CHRNB4: variants seen among roughly 807,000 people sequenced by gnomAD.
The protein encoded by CHRNB4 is neuronal acetylcholine receptor subunit beta-4.
CHRNB4 carries 23 observed loss-of-function variants against 40.4 expected under a neutral mutation model. That is an observed-to-expected ratio of 0.57 (90% CI 0.41 to 0.81). The LOEUF (loss-of-function observed/expected upper bound fraction) is 0.81. Among genes scored for constraint, CHRNB4 ranks in the 30% least tolerant of loss-of-function variants. The pLI is 0.00. For synonymous variants in CHRNB4, 285 were observed against 274.4 expected, an observed-to-expected ratio of 1.04 and a Z score of -0.38; for missense variants, 568 against 670.6, an observed-to-expected ratio of 0.85 and a Z score of 1.69.
intron 1 of CHRNB4, 92 bp downstream of exon 1, chr15:78,640,987 A>G (rs2054060120): frequency 7.2e-7 from 1 of 1,380,838 alleles, no homozygotes; most frequent in Non-Finnish European, 9.9e-7. Context: ...CCCCGGGCGC[A>G]GGGCACCCTC....
rs920361649 is a variant in CHRNB4, at chr15:78,629,428, G to A, written c.877C>T (p.Pro293Ser). 1.2e-6 allele frequency: 2 copies of A among 1,614,128 alleles called. No individual in the cohort carries two copies. The highest frequency in any genetic ancestry group is 3.3e-5 in the Admixed American group (2 of 60,026). Residue 293 changes from proline to serine, a missense_variant, in exon 5 of 6, where the codon CCT (proline) becomes TCT (serine). Transcript: ENST00000261751. The surrounding 1 kb of genome is among the most constrained non-coding windows in gnomAD (Gnocchi z 6.8). ...KIVPPTSLDVPLIGKYLMFTM... is the reference protein window; with the variant it reads ...KIVPPTSLDVSLIGKYLMFTM... ...AACATGAGGTACTTGCCGATGAGAG[G>A]CACATCGAGGGAGGTGGGTGGCACG...
rs755389315 is a variant in CHRNB4 at position 78,635,424 on chromosome 15, G to A, written c.204+15C>T. ...CTCCACCTGAGCCTGAGCCACAGCT[G>A]CCCTCTGCACCTACCACGCTGATAA... On this transcript the variant is annotated intron_variant, in intron 2 of 5. Transcript: ENST00000261751. 1 of 1,612,316 alleles carries A rather than the reference G, an allele frequency of 6.2e-7. No individual in the cohort carries two copies. Among genetic ancestry groups the A allele is most frequent in the Non-Finnish European group, 8.5e-7 (1 of 1,179,536 alleles).
upstream of CHRNB4, among the ~76,000 whole-genome samples, chr15:78,642,551 G>A (rs1309634336): frequency 5.3e-5 from 8 of 152,080 alleles, no homozygotes; most frequent in South Asian, 6.2e-4. Flanking sequence ...TGCTGGGAGC[G>A]GGAGGCCTGC....
In CHRNB4 at chr15:78,647,729, A is replaced by G. The variant is rs760539317; in HGVS notation, c.46+1650T>C. ...AAAAAAATTAGCCGGGCGTGGTGGC[A>G]GGCACCTGTAGTCCCAGCTACTTGG... On this transcript the variant is annotated intron_variant and NMD_transcript_variant, in intron 7 of 11. Coordinates refer to the CHRNB4 transcript ENST00000559849. 3.0e-3 allele frequency among the ~76,000 whole-genome samples: 444 copies of G among 150,146 alleles called. 2 individuals carry two copies. The highest frequency in any genetic ancestry group is 5.1e-3 in the South Asian group (24 of 4,710).
rs1352487293 is a variant in CHRNB4 at position 78,638,529 on chromosome 15, A to AGGAGACTGCCCCAC, written c.55+2536_55+2549dup. 4.6e-5 allele frequency among the ~76,000 whole-genome samples: 7 copies of AGGAGACTGCCCCAC among 152,176 alleles called. No homozygotes were observed. In the East Asian group the frequency reaches 1.2e-3, roughly 25 times the overall value. On this transcript the variant is annotated intron_variant, in intron 1 of 5. Transcript: ENST00000261751. ...TCAGTGCCTCATTAGCTTCCCTGTA[A>AGGAGACTGCCCCAC]GGAGACTGCCCCACAGAGCCTGGAA... is the stretch of plus-strand genomic sequence containing the variant.
intron 6 of CHRNB4, chr15:78,649,580 G>C: frequency 7.0e-6 from 2 of 284,728 alleles, no homozygotes; most frequent in South Asian, 6.1e-5. Flanking sequence ...TACACAAAAA[G>C]TTTGCTGACC....
intron 5 of CHRNB4, among the ~76,000 whole-genome samples, chr15:78,654,768 A>C (rs751715815): frequency 5.9e-5 from 9 of 152,224 alleles, no homozygotes; most frequent in Non-Finnish European, 1.2e-4. Flanking sequence ...ATAAATGTTC[A>C]GCTAAATGAA....
chr15:78,660,743 C>T (rs2054245569), upstream of CHRNB4: 1 of 196,914 alleles, frequency 5.1e-6, no homozygotes, highest in South Asian at 1.1e-4. Context: ...AGCTTTGGTT[C>T]TTTCACTTTT....
intron 2 of CHRNB4, among the ~76,000 whole-genome samples, chr15:78,631,887 C>T (rs1221032128): frequency 3.3e-5 from 5 of 152,132 alleles, no homozygotes; most frequent in African/African-American, 1.2e-4. Context: ...CCACAAGGCC[C>T]TAGTGATCTG....
chr15:78,631,106 A>G lies in CHRNB4; in HGVS notation c.329T>C (p.Ile110Thr), dbSNP rs1440799557. 1.2e-6 allele frequency: 2 copies of G among 1,614,190 alleles called. No individual in the cohort carries two copies. The highest frequency in any genetic ancestry group is 4.5e-5 in the East Asian group (2 of 44,886). Reference protein sequence around the residue: ...VNILRIPAKRIWLPDIVLYNN... With the variant: ...VNILRIPAKRTWLPDIVLYNN... ...GTAAAGCACGATGTCAGGCAACCAG[A>G]TGCGCTTTGCAGGGATCCTCAGGAT... The change falls in exon 4 of 6, where the codon ATC (isoleucine) becomes ACC (threonine). Residue 110 changes from isoleucine (I) to threonine (T), a missense_variant. Around this residue, in one of 4 missense-constraint regions of CHRNB4, gnomAD observed 161 missense variants for 148.1 expected, o/e 1.09. Transcript: ENST00000261751.
At chr15:78,641,411 G>A (rs1418052109), upstream of CHRNB4, among the ~76,000 whole-genome samples, 1 of 152,214 alleles carries the variant, frequency 6.6e-6, no homozygotes, top group Non-Finnish European at 1.5e-5. Flanking sequence ...AAGGAAGGCA[G>A]GCAGGACAGT....
Position 78,639,392 on chromosome 15 carries a change from G to A in CHRNB4, c.55+1687C>T, listed in dbSNP as rs138868504. Among the ~76,000 whole-genome samples the A allele has an allele frequency of 5.5e-3, 830 of 152,216 alleles. 6 individuals are homozygous for A. Among genetic ancestry groups the A allele is most frequent in the South Asian group, 9.5e-3 (46 of 4,818 alleles). ...CTCACTGCTGCAACCTCCACCTCCC[G>A]GGTTCATGCCATTCTCCTACCTCAG... On this transcript the variant is annotated intron_variant, in intron 1 of 5. Transcript: ENST00000261751.
chr15:78,659,944 T>C (rs2141414440), intron 1 of CHRNB4, among the ~76,000 whole-genome samples: 1 of 152,212 alleles, frequency 6.6e-6, no homozygotes, highest in East Asian at 1.9e-4. Flanking sequence ...CGGTGGCTCA[T>C]GCCTGTAATC....
chr15:78,640,576 T>C (rs1039528631), intron 1 of CHRNB4, among the ~76,000 whole-genome samples: 1 of 152,230 alleles, frequency 6.6e-6, no homozygotes, highest in Admixed American at 6.5e-5. Flanking sequence ...ACCACCGCTG[T>C]GTGGGAGGGG....
chr15:78,644,316 G>C (rs2141403484), upstream of CHRNB4, among the ~76,000 whole-genome samples: 1 of 151,094 alleles, frequency 6.6e-6, no homozygotes, highest in Admixed American at 6.6e-5. Context: ...ATAATATTAA[G>C]AGGTAGGGCC....
In CHRNB4 at chr15:78,649,508, A is replaced by G. The variant is rs1441356262; in HGVS notation, c.-15-69T>C. On this transcript the variant is annotated intron_variant and NMD_transcript_variant, in intron 6 of 11. Transcript: ENST00000559849. Reference sequence around the variant, plus strand: ...AAAACAAAATAAAACAATGCAAAGCAAAGACTGCAACAGAGACCATATGTT... The same window carrying G: ...AAAACAAAATAAAACAATGCAAAGCGAAGACTGCAACAGAGACCATATGTT... The G allele has an allele frequency of 2.1e-5, 9 of 426,640 alleles. No individual in the cohort carries two copies. In the East Asian group the frequency reaches 6.8e-4, roughly 32 times the overall value. 26.4% of individuals were successfully genotyped at this position (426,640 alleles called of 1,614,324 possible). A position where few individuals can be genotyped will look rare whatever the true frequency, so the allele number is the denominator to read the frequency against.
At chr15:78,644,458 C>T, upstream of CHRNB4, among the ~76,000 whole-genome samples, 1 of 152,034 alleles carries the variant, frequency 6.6e-6, no homozygotes, top group Admixed American at 6.6e-5. Context: ...TCCAGAGGAG[C>T]CAGCATTCAA....
Position 78,641,163 on chromosome 15 carries a change from G to A in CHRNB4, c.-30C>T. The A allele has an allele frequency of 6.5e-7, 1 of 1,536,726 alleles. No individual in the cohort carries two copies. Among genetic ancestry groups the A allele is most frequent in the South Asian group, 1.2e-5 (1 of 83,008 alleles). ...GGCGGGGCCGGGTGGCAGCCGCCGC[G>A]AGCTCCGCTGTGGGGTCACAGGGCA... On this transcript the variant is annotated 5_prime_UTR_variant, in exon 1 of 6. Coordinates refer to ENST00000261751, the MANE Select transcript of CHRNB4 (RefSeq NM_000750.5).
chr15:78,624,707 AGAT>A lies in CHRNB4; in HGVS notation c.*423_*425del, dbSNP rs995027009. 3.1e-5 allele frequency: 12 copies of A among 383,870 alleles called. No homozygotes were observed. Among genetic ancestry groups the A allele is most frequent in the African/African-American group, 8.2e-5 (4 of 48,510 alleles). 23.8% of individuals were successfully genotyped at this position (383,870 alleles called of 1,614,324 possible). On this transcript the variant is annotated 3_prime_UTR_variant, in exon 6 of 6. Coordinates refer to ENST00000261751, the MANE Select transcript of CHRNB4 (RefSeq NM_000750.5). The stretch of plus-strand genomic sequence containing the variant: ...GACTCCGTTTAAAAGAAAAAAAAAA[AGAT>A]GATGATATGGCAAATGCCAAGCCTC...
Sources: allele counts gnomAD v4.1 joint callset (sites outside exome capture counted in the v4.1 genomes callset), GRCh38; gene constraint gnomAD v4.1.1; regional missense constraint gnomAD v4.1.1; non-coding constraint Gnocchi (gnomAD v3.1); transcripts MANE v1.5; gene names NCBI Gene and HGNC (gene_info 2026-07-23, HGNC 2026-07-21).